PAG1: variants seen among roughly 807,000 people sequenced by gnomAD.
PAG1 encodes the protein phosphoprotein associated with glycosphingolipid-enriched microdomains 1.
In PAG1, 23 loss-of-function variants were observed where a neutral mutation model predicts 31.7. The ratio of observed to expected loss-of-function variants is 0.73; its 90% CI spans 0.52 to 1.03. The LOEUF (loss-of-function observed/expected upper bound fraction) is 1.03. PAG1 is among the 50% of genes least tolerant of loss of function. PAG1 has a pLI of 0.00. For missense variants in PAG1, 473 were observed against 540.7 expected, an observed-to-expected ratio of 0.87 and a Z score of 1.24; for synonymous variants, 214 against 210.3, an observed-to-expected ratio of 1.02 and a Z score of -0.15.
intron 2 of PAG1, among the ~76,000 whole-genome samples, chr8:81,041,665 A>T (rs1202629341): frequency 6.6e-6 from 1 of 152,224 alleles, no homozygotes; most frequent in Non-Finnish European, 1.5e-5. Flanking sequence ...TAGGTAGTAC[A>T]TTTAGTAATA....
intron 2 of PAG1, among the ~76,000 whole-genome samples, chr8:81,044,343 G>C (rs1165181742): frequency 6.6e-6 from 1 of 152,152 alleles, no homozygotes; most frequent in Non-Finnish European, 1.5e-5. Flanking sequence ...GTGGAAATTT[G>C]GATACAGAAA....
At chr8:81,052,055 G>T (rs1329166868) in intron 2 of PAG1, among the ~76,000 whole-genome samples, 1 of 151,650 alleles carries the variant, frequency 6.6e-6, no homozygotes, top group Non-Finnish European at 1.5e-5. Context: ...GCGTGAACCC[G>T]GGAGGCGGAG....
chr8:80,988,938 G>A (rs1807481278), intron 5 of PAG1, among the ~76,000 whole-genome samples: 1 of 152,186 alleles, frequency 6.6e-6, no homozygotes, highest in South Asian at 2.1e-4. Flanking sequence ...TACCCAACTT[G>A]TCTCAGGTTG....
intron 8 of PAG1, among the ~76,000 whole-genome samples, chr8:80,977,448 T>C (rs1190744888): frequency 2.0e-5 from 3 of 152,184 alleles, no homozygotes; most frequent in Non-Finnish European, 2.9e-5. Context: ...GTGCTGATTC[T>C]GATGGCCAGT....
intron 3 of PAG1, among the ~76,000 whole-genome samples, chr8:80,997,856 CT>C (rs1807711373): frequency 1.3e-5 from 2 of 152,132 alleles, no homozygotes; most frequent in Non-Finnish European, 2.9e-5. Context: ...TATAGTATTG[CT>C]GTAAAAGACT....
chr8:81,046,392 C>T (rs1022142994), intron 2 of PAG1, among the ~76,000 whole-genome samples: 3 of 152,146 alleles, frequency 2.0e-5, no homozygotes, highest in Admixed American at 6.5e-5. Context: ...CTTGTCACAT[C>T]TCCCCAGTGA....
intron 2 of PAG1, among the ~76,000 whole-genome samples, chr8:81,057,561 TGTC>T (rs1808846501): frequency 8.8e-6 from 1 of 113,338 alleles, no homozygotes; most frequent in South Asian, 3.3e-4. Flanking sequence ...CACAGGGGCC[TGTC>T]GTGGGGTCGG....
At chr8:81,054,548 C>T (rs192931179) in intron 2 of PAG1, among the ~76,000 whole-genome samples, 170 of 152,048 alleles carry the variant, frequency 1.1e-3, no homozygotes, top group African/African-American at 4.0e-3. Context: ...TGGTGGCAGG[C>T]GCCTGTAGTC....
At chr8:81,045,689 A>G (rs1375304222) in intron 2 of PAG1, among the ~76,000 whole-genome samples, 1 of 152,368 alleles carries the variant, frequency 6.6e-6, no homozygotes, top group East Asian at 1.9e-4. Flanking sequence ...ACAGTATGTG[A>G]AAGATACTAT....
chr8:81,017,864 T>C (rs995680404), intron 3 of PAG1, among the ~76,000 whole-genome samples: 5 of 152,214 alleles, frequency 3.3e-5, no homozygotes, highest in Admixed American at 2.0e-4. Flanking sequence ...TTGGGTAATT[T>C]TACTGAGTAG....
intron 1 of PAG1, among the ~76,000 whole-genome samples, chr8:81,110,979 T>C (rs551130906): frequency 2.0e-5 from 3 of 152,342 alleles, no homozygotes; most frequent in Middle Eastern, 3.4e-3. Flanking sequence ...CAAGTGTCAT[T>C]ATCTGAATCC....
chr8:81,071,095 GA>G (rs1043989869), intron 1 of PAG1, among the ~76,000 whole-genome samples: 4 of 141,292 alleles, frequency 2.8e-5, no homozygotes, highest in African/African-American at 1.2e-4. Context: ...AAAGAGAAAA[GA>G]AAGAGCTATT....
intron 1 of PAG1, among the ~76,000 whole-genome samples, chr8:81,091,141 A>C (rs548526587): frequency 5.3e-5 from 8 of 152,350 alleles, no homozygotes; most frequent in Admixed American, 1.3e-4. Flanking sequence ...AAGAGGCATC[A>C]AGAGTGATTT....
intron 2 of PAG1, among the ~76,000 whole-genome samples, chr8:81,061,624 T>C (rs1468272363): frequency 1.3e-5 from 2 of 152,144 alleles, no homozygotes; most frequent in East Asian, 1.9e-4. Flanking sequence ...ATCTAAAGAA[T>C]GCCTACTCAA....
At chr8:81,057,026 T>G (rs1193731143) in intron 2 of PAG1, among the ~76,000 whole-genome samples, 2 of 152,132 alleles carry the variant, frequency 1.3e-5, no homozygotes, top group Admixed American at 6.5e-5. Context: ...TGAGATACCA[T>G]CTCACAACAG....
rs2130291450 is a variant in PAG1 at position 80,973,054 on chromosome 8, C to G, written c.*3490G>C. On this transcript the variant is annotated 3_prime_UTR_variant, in exon 9 of 9. Coordinates refer to ENST00000220597, the MANE Select transcript of PAG1 (RefSeq NM_018440.4). ...TATAATGCGGTTAAATTTTAGTTCTCTGTGTTAACTACTTACTGTTAATTT... is the reference window on the plus strand; with the variant it reads ...TATAATGCGGTTAAATTTTAGTTCTGTGTGTTAACTACTTACTGTTAATTT... The G allele has an allele frequency of 6.6e-6, 1 of 152,024 alleles. No individual in the cohort carries two copies. The allele number at this position is 152,024 out of a possible 1,614,324, so 9.4% of individuals were successfully genotyped here. A position where few individuals can be genotyped will look rare whatever the true frequency, so the allele number is the denominator to read the frequency against.
At chr8:81,061,117 A>G (rs1343822298) in intron 2 of PAG1, among the ~76,000 whole-genome samples, 1 of 152,238 alleles carries the variant, frequency 6.6e-6, no homozygotes, top group East Asian at 1.9e-4. Context: ...ACATAACAAG[A>G]TTAGACTCAG....
chr8:80,976,740 GT>G lies in PAG1; in HGVS notation c.1102del (p.Thr368LeufsTer53), dbSNP rs1255479306. The G allele has an allele frequency of 2.5e-6, 4 of 1,613,974 alleles. No homozygotes were observed. Among genetic ancestry groups the G allele is most frequent in the Non-Finnish European group, 2.5e-6 (3 of 1,179,930 alleles). ...LYATVKDFEK[T>X]PNSTLPPAGR... is the part of the protein sequence containing the mutation. ...TGCTGGTGGAAGTGTGCTGTTTGGA[GT>G]TTTTTCGAAGTCTTTAACAGTAGCA... On this transcript the variant is annotated frameshift_variant, in exon 9 of 9. Transcript: ENST00000220597. LOFTEE classifies it high-confidence loss of function.
At chr8:81,098,932 G>A (rs144569500) in intron 1 of PAG1, among the ~76,000 whole-genome samples, 3 of 152,254 alleles carry the variant, frequency 2.0e-5, no homozygotes, top group African/African-American at 7.2e-5. Context: ...ATACACTGAG[G>A]CAGTCTCACA....
Sources: gnomAD v4.1 joint callset for allele counts (sites outside exome capture counted in the v4.1 genomes callset) on GRCh38, gnomAD v4.1.1 for gene constraint, MANE v1.5 for transcripts, NCBI Gene and HGNC (gene_info 2026-07-23, HGNC 2026-07-21) for gene names.